PCLO: variants seen among roughly 807,000 people sequenced by gnomAD.
PCLO encodes protein piccolo.
In PCLO, 82 loss-of-function variants were observed where a neutral mutation model predicts 427.5. That is an observed-to-expected ratio of 0.19 (90% confidence interval 0.16 to 0.23). PCLO has a LOEUF of 0.23. Among genes scored for constraint, PCLO ranks in the 10% least tolerant of loss-of-function variants. PCLO has a pLI of 1.00. For missense variants in PCLO, 6,239 were observed against 6,115.9 expected (o/e 1.02, Z -0.67); for synonymous variants, 2,357 against 2,155.4 (o/e 1.09, Z -2.59).
chr7:82,899,293 C>A (rs1305530836), intron 9 of PCLO, among the ~76,000 whole-genome samples: 1 of 151,310 alleles, frequency 6.6e-6, no homozygotes, highest in African/African-American at 2.4e-5. Context: ...GAAAATGACA[C>A]AGAGACTAGC....
intron 9 of PCLO, among the ~76,000 whole-genome samples, chr7:82,902,241 C>T (rs1226384641): frequency 1.3e-5 from 2 of 151,218 alleles, no homozygotes; most frequent in Non-Finnish European, 3.0e-5. Flanking sequence ...GAATACTATG[C>T]AGCCATAAAA....
intron 24 of PCLO, among the ~76,000 whole-genome samples, chr7:82,759,682 T>C (rs1017512796): frequency 6.6e-5 from 10 of 152,084 alleles, no homozygotes; most frequent in African/African-American, 2.4e-4. Context: ...ATCTTTTATC[T>C]TTGTCTCTAA....
chr7:83,114,673 G>A (rs534946780), intron 3 of PCLO, among the ~76,000 whole-genome samples: 1 of 152,050 alleles, frequency 6.6e-6, no homozygotes, highest in East Asian at 1.9e-4. Flanking sequence ...GATTATAAAA[G>A]TAAAAATAGT....
Position 82,835,650 on chromosome 7 carries a change from A to G in PCLO, c.14249+17T>C. 1.2e-6 allele frequency: 2 copies of G among 1,605,296 alleles called. No individual in the cohort carries two copies. The highest frequency in any genetic ancestry group is 1.7e-6 in the Non-Finnish European group (2 of 1,174,808). Reference sequence around the variant, plus strand: ...ACATAGCAGCAGAGCTTGACACTGAAAGAGAAACAACTCTACCTTGCATTC... The same window carrying G: ...ACATAGCAGCAGAGCTTGACACTGAGAGAGAAACAACTCTACCTTGCATTC... On this transcript the variant is annotated intron_variant, in intron 16 of 24. Transcript: ENST00000333891.
intron 3 of PCLO, among the ~76,000 whole-genome samples, chr7:83,016,296 A>C (rs1788205306): frequency 6.6e-6 from 1 of 152,194 alleles, no homozygotes; most frequent in Admixed American, 6.5e-5. Context: ...TAGTAACCTG[A>C]AATCAGAATC....
intron 4 of PCLO, among the ~76,000 whole-genome samples, chr7:82,964,560 T>C (rs1375085108): frequency 6.6e-6 from 1 of 151,896 alleles, no homozygotes; most frequent in Non-Finnish European, 1.5e-5. Context: ...AGATAAATCA[T>C]AGAGATAGTC....
At chr7:82,985,973 A>G (rs1204339910) in intron 3 of PCLO, among the ~76,000 whole-genome samples, 2 of 152,000 alleles carry the variant, frequency 1.3e-5, no homozygotes, top group Non-Finnish European at 2.9e-5. Flanking sequence ...AAGAGAAAAT[A>G]TATCCAATAA....
chr7:83,081,121 T>A (rs1235322833), intron 3 of PCLO, among the ~76,000 whole-genome samples: 1 of 151,972 alleles, frequency 6.6e-6, no homozygotes, highest in Non-Finnish European at 1.5e-5. Context: ...TTTAAAGTGA[T>A]AATCTGACAA....
At chr7:82,792,740 A>T (rs1174212003) in intron 22 of PCLO, among the ~76,000 whole-genome samples, 1 of 152,146 alleles carries the variant, frequency 6.6e-6, no homozygotes, top group Non-Finnish European at 1.5e-5. Flanking sequence ...ACCCACTGCC[A>T]ATTATTTTTT....
chr7:82,887,122 T>A (rs773385326), intron 9 of PCLO, among the ~76,000 whole-genome samples: 30 of 152,156 alleles, frequency 2.0e-4, no homozygotes, highest in Non-Finnish European at 2.9e-5. Context: ...TTGCCTTTCT[T>A]TAACCACCTC....
intron 3 of PCLO, among the ~76,000 whole-genome samples, chr7:83,112,450 T>C (rs1791029711): frequency 6.6e-6 from 1 of 152,158 alleles, no homozygotes; most frequent in Non-Finnish European, 1.5e-5. Context: ...ACAAAGCTTT[T>C]TCTTAATCCA....
intron 22 of PCLO, among the ~76,000 whole-genome samples, chr7:82,784,183 C>T (rs1435062565): frequency 6.6e-6 from 1 of 152,086 alleles, no homozygotes; most frequent in African/African-American, 2.4e-5. Context: ...ACCTCAAAAC[C>T]CTCCAATACT....
intron 22 of PCLO, among the ~76,000 whole-genome samples, chr7:82,766,183 C>G (rs544416446): frequency 1.3e-5 from 2 of 151,946 alleles, no homozygotes; most frequent in Non-Finnish European, 2.9e-5. Flanking sequence ...CAAAATAAAC[C>G]TTTGAGAGTG....
At chr7:82,948,508 G>T (rs1166063953) in intron 6 of PCLO, among the ~76,000 whole-genome samples, 1 of 151,846 alleles carries the variant, frequency 6.6e-6, no homozygotes, top group Non-Finnish European at 1.5e-5. Flanking sequence ...GAAACTTCAG[G>T]GTTCAAAACC....
At position 82,955,594 on chromosome 7, in the gene PCLO, T is replaced by C. The variant is rs1467766162; in HGVS notation, c.5359A>G (p.Lys1787Glu). 2 of 1,613,972 alleles carry C rather than the reference T, an allele frequency of 1.2e-6. No homozygotes were observed. The highest frequency in any genetic ancestry group is 2.2e-5 in the East Asian group (1 of 44,880). The change falls in exon 5 of 25, where the codon AAG (lysine) becomes GAG (glutamate). Residue 1787 changes from lysine (K) to glutamate (E), a missense_variant. Lys to Glu is a moderately conservative substitution (Grantham distance 56, BLOSUM62 1). Coordinates refer to ENST00000333891, the MANE Select transcript of PCLO (RefSeq NM_033026.6). ...ATTTCCCTCTGCTTTTCTTGCTCCT[T>C]TAATAATTCTTCTTCCTCTCTCAAT... The part of the protein sequence containing the change: ...EELREEEELL[K>E]EQEKQREIEQ...
chr7:82,821,084 G>A (rs1017890292), intron 20 of PCLO: 3 of 1,097,016 alleles, frequency 2.7e-6, no homozygotes, highest in African/African-American at 3.3e-5. Flanking sequence ...TTCTTGCTGT[G>A]TGCTTTGAAC....
chr7:82,962,896 T>G (rs1257067449), intron 4 of PCLO, among the ~76,000 whole-genome samples: 1 of 151,944 alleles, frequency 6.6e-6, no homozygotes, highest in Non-Finnish European at 1.5e-5. Flanking sequence ...TATTTTGTAC[T>G]GAGACAGAGA....
At chr7:83,096,669 G>C (rs6961739) in intron 3 of PCLO, among the ~76,000 whole-genome samples, 62,362 of 139,252 alleles carry the variant, frequency 0.45, 14,389 homozygotes, top group East Asian at 0.7. Flanking sequence ...GTCTTATTTT[G>C]TCAATATTTT....
intron 3 of PCLO, among the ~76,000 whole-genome samples, chr7:82,968,684 T>G (rs1795835042): frequency 6.6e-6 from 1 of 152,036 alleles, no homozygotes; most frequent in African/African-American, 2.4e-5. Context: ...CATACCCAGC[T>G]ATTTTTTGCA....
Sources: gnomAD v4.1 joint callset for allele counts (sites outside exome capture counted in the v4.1 genomes callset) on GRCh38, gnomAD v4.1.1 for gene constraint, MANE v1.5 for transcripts, NCBI Gene and HGNC (gene_info 2026-07-23, HGNC 2026-07-21) for gene names.